The following TRAPPC6A variants were observed in gnomAD, a reference collection of about 807,000 sequenced individuals.
TRAPPC6A encodes trafficking protein particle complex subunit 6A, also known as TRAPP complex subunit 6A.
A neutral mutation model predicts 20.8 loss-of-function variants in TRAPPC6A; 25 were observed. That is an observed-to-expected ratio of 1.20 (90% CI 0.88 to 1.68). The LOEUF is 1.68. Ranked by LOEUF, TRAPPC6A falls within the 40% of genes most tolerant of loss-of-function variation. The pLI is 0.00. For synonymous variants in TRAPPC6A, 96 were observed against 93.3 expected (o/e 1.03, Z -0.16); for missense variants, 215 against 211.6 (o/e 1.02, Z -0.10).
intron 1 of TRAPPC6A, among the ~76,000 whole-genome samples, chr19:45,177,845 G>A (rs1249365058): frequency 6.6e-6 from 1 of 152,224 alleles, no homozygotes; most frequent in East Asian, 1.9e-4. Flanking sequence ...GTAAGTGGGG[G>A]AGGCGAGTCC....
chr19:45,162,996 ACC>A lies in TRAPPC6A; in HGVS notation c.*194_*195del. Reference sequence around the variant, plus strand: ...GTGACGCTGCCGAGGCGGGAATCCCACCACAGTCCTGACCGCAGCTGGGACCC... The same window carrying A: ...GTGACGCTGCCGAGGCGGGAATCCCAACAGTCCTGACCGCAGCTGGGACCC... On this transcript the variant is annotated 3_prime_UTR_variant, in exon 6 of 6. Transcript: ENST00000585934. The A allele has an allele frequency of 2.1e-6, 1 of 473,136 alleles. No homozygotes were observed. The highest frequency in any genetic ancestry group is 3.7e-6 in the Non-Finnish European group (1 of 273,452). The allele number at this position is 473,136 out of a possible 1,614,324, so 29.3% of individuals were successfully genotyped here.
At chr19:45,166,834 C>T (rs1969164519) in intron 1 of TRAPPC6A, among the ~76,000 whole-genome samples, 1 of 152,118 alleles carries the variant, frequency 6.6e-6, no homozygotes, top group African/African-American at 2.4e-5. Flanking sequence ...AGGGCTGCAC[C>T]ATCAGCGCAG....
rs73564239 is a variant in TRAPPC6A at position 45,167,076 on chromosome 19, A to C, written c.85-1882T>G. Among the ~76,000 whole-genome samples, 59 of 151,858 alleles carry C rather than the reference A, an allele frequency of 3.9e-4. 1 individual carries two copies. The highest frequency in any genetic ancestry group is 8.3e-4 in the South Asian group (4 of 4,812). On this transcript the variant is annotated intron_variant, in intron 1 of 5. Transcript: ENST00000585934. ...TTGCGTCCCCAGCCCTGCCCACTGC[A>C]CACTGTCCCTGGATGAGGACACAGC... is the stretch of plus-strand genomic sequence containing the variant.
chr19:45,163,374 G>A lies in TRAPPC6A; in HGVS notation c.449-151C>T, dbSNP rs1218721785. The A allele has an allele frequency of 1.2e-6, 1 of 803,626 alleles. No homozygotes were observed. Among genetic ancestry groups the A allele is most frequent in the Non-Finnish European group, 2.0e-6 (1 of 501,014 alleles). 49.8% of individuals were successfully genotyped at this position (803,626 alleles called of 1,614,324 possible). ...CCCGCCCACGGGGCCGCATCCCTGAGCTGTGTGAGTAACCAGGAGCATGAG... is the reference window on the plus strand; with the variant it reads ...CCCGCCCACGGGGCCGCATCCCTGAACTGTGTGAGTAACCAGGAGCATGAG... On this transcript the variant is annotated intron_variant, in intron 5 of 5. Transcript: ENST00000585934. The surrounding 1 kb of genome is among the most constrained non-coding windows in gnomAD (Gnocchi z 5.3).
Position 45,163,900 on chromosome 19 carries a change from AC to A in TRAPPC6A, c.448+15del, listed in dbSNP as rs756831877. 3.0e-6 allele frequency: 4 copies of A among 1,355,712 alleles called. No homozygotes were observed. The highest frequency in any genetic ancestry group is 1.2e-5 in the South Asian group (1 of 80,558). 84.0% of individuals were successfully genotyped at this position (1,355,712 alleles called of 1,614,324 possible). On this transcript the variant is annotated intron_variant, in intron 5 of 5. Coordinates refer to ENST00000585934, the MANE Select transcript of TRAPPC6A (RefSeq NM_001270891.2). The surrounding 1 kb of genome is among the most constrained non-coding windows in gnomAD (Gnocchi z 5.3). Reference sequence around the variant, plus strand: ...CTCAAGGGATGAGAAGAATCCCCCCACCCCCCATGACTCACAGACGGGCAGG... The same window carrying A: ...CTCAAGGGATGAGAAGAATCCCCCCACCCCCATGACTCACAGACGGGCAGG...
intron 3 of TRAPPC6A, 43 bp downstream of exon 3, chr19:45,164,810 G>T: frequency 6.4e-7 from 1 of 1,570,104 alleles, no homozygotes; most frequent in Non-Finnish European, 8.8e-7. Flanking sequence ...TCTTGGTCTT[G>T]CCCTCAGGAG....
intron 4 of TRAPPC6A, 77 bp from the exon 5 acceptor site, chr19:45,164,086 G>A: frequency 6.5e-7 from 1 of 1,546,792 alleles, no homozygotes. Context: ...CTTAGGCCTG[G>A]GGAAAGGCCT....
rs1057046009 is a variant in TRAPPC6A, at chr19:45,163,378, TGTGA to T, written c.449-159_449-156del. ...CCCACGGGGCCGCATCCCTGAGCTG[TGTGA>T]GTAACCAGGAGCATGAGGGCCACGG... On this transcript the variant is annotated intron_variant, in intron 5 of 5. Coordinates refer to ENST00000585934, the MANE Select transcript of TRAPPC6A (RefSeq NM_001270891.2). The surrounding 1 kb of genome is among the most constrained non-coding windows in gnomAD (Gnocchi z 5.3). Among the ~76,000 whole-genome samples the T allele has an allele frequency of 6.6e-6, 1 of 152,080 alleles. No homozygotes were observed. Among genetic ancestry groups the T allele is most frequent in the Admixed American group, 6.5e-5 (1 of 15,286 alleles).
intron 1 of TRAPPC6A, among the ~76,000 whole-genome samples, chr19:45,169,630 C>T (rs912482252): frequency 1.3e-5 from 2 of 152,218 alleles, no homozygotes; most frequent in Non-Finnish European, 2.9e-5. Flanking sequence ...AGGGATGAAG[C>T]CCTTGGCTGG....
chr19:45,178,082 A>G (rs1342078580), intron 1 of TRAPPC6A, 53 bp downstream of exon 1: 2 of 1,611,336 alleles, frequency 1.2e-6, no homozygotes, highest in Non-Finnish European at 1.7e-6. Context: ...CCGCTCTCCC[A>G]GAGGCGTTAC....
rs572711694 is a variant in TRAPPC6A at position 45,173,577 on chromosome 19, C to T, written c.84+4558G>A. Among the ~76,000 whole-genome samples, 1 of 152,312 alleles carries T rather than the reference C, an allele frequency of 6.6e-6. No homozygotes were observed. The highest frequency in any genetic ancestry group is 1.9e-4 in the East Asian group (1 of 5,176). ...AGCACAGGGTCCCTCCTCTGTGAAT[C>T]GGGAGGGCTGTCCTGAGGACTAAAT... On this transcript the variant is annotated intron_variant, in intron 1 of 5. Transcript: ENST00000585934. The surrounding 1 kb of genome is among the most constrained non-coding windows in gnomAD (Gnocchi z 4.8).
intron 1 of TRAPPC6A, among the ~76,000 whole-genome samples, chr19:45,174,435 T>C (rs116228148): frequency 0.012 from 1,848 of 152,154 alleles, 41 homozygotes; most frequent in African/African-American, 0.042. Context: ...GGACATCCAG[T>C]GGTCATCAAT....
In TRAPPC6A at chr19:45,172,726, G is replaced by C. The variant is rs991699232; in HGVS notation, c.84+5409C>G. On this transcript the variant is annotated intron_variant, in intron 1 of 5. Transcript: ENST00000585934. The surrounding 1 kb of genome is among the most constrained non-coding windows in gnomAD (Gnocchi z 4.2). ...TCCTGTCCCCTGGCCCAGCCCGGAAGGTTGAGCCCACCACAGCCTCTGCCT... is the reference window on the plus strand; with the variant it reads ...TCCTGTCCCCTGGCCCAGCCCGGAACGTTGAGCCCACCACAGCCTCTGCCT... 4.0e-5 allele frequency among the ~76,000 whole-genome samples: 6 copies of C among 151,772 alleles called. No homozygotes were observed. The highest frequency in any genetic ancestry group is 8.8e-5 in the Non-Finnish European group (6 of 68,034).
Position 45,163,195 on chromosome 19 carries a change from G to A in TRAPPC6A, c.477C>T (p.Ser159=). The change falls in exon 6 of 6, where the codon TCC becomes TCT. Residue 159 remains serine, a synonymous_variant. Transcript: ENST00000585934. This position sits in a 1 kb window ranked among gnomAD's most constrained non-coding sequence, Gnocchi z 5.3. ...GCTCAGCAGGTGCGAGGCAGGCTTAGGATTTCGGAATCACCACCTGGAACT... is the reference window on the plus strand; with the variant it reads ...GCTCAGCAGGTGCGAGGCAGGCTTAAGATTTCGGAATCACCACCTGGAACT... ...VCKFQVVIPK[S] 6.2e-7 allele frequency: 1 copy of A among 1,613,914 alleles called. No homozygotes were observed. The highest frequency in any genetic ancestry group is 8.5e-7 in the Non-Finnish European group (1 of 1,179,884).
rs375705027 is a variant in TRAPPC6A at position 45,170,713 on chromosome 19, A to T, written c.85-5519T>A. On this transcript the variant is annotated intron_variant, in intron 1 of 5. Coordinates refer to ENST00000585934, the MANE Select transcript of TRAPPC6A (RefSeq NM_001270891.2). ...CATGTGCCATGGGGCTAATGGCAGT[A>T]CCTGCTCACAGTGGTGGTGTGACTG... 5.9e-5 allele frequency among the ~76,000 whole-genome samples: 9 copies of T among 152,294 alleles called. No homozygotes were observed. The East Asian group carries it at 1.7e-3, about 29-fold the overall frequency.
rs1291029908 is a variant in TRAPPC6A, at chr19:45,165,913, A to G, written c.85-719T>C. Among the ~76,000 whole-genome samples, 3 of 144,420 alleles carry G rather than the reference A, an allele frequency of 2.1e-5. No homozygotes were observed. In the South Asian group the frequency reaches 6.6e-4, roughly 32 times the overall value. 94.7% of individuals were successfully genotyped at this position (144,420 alleles called of 152,430 possible). A position where few individuals can be genotyped will look rare whatever the true frequency, so the allele number is the denominator to read the frequency against. On this transcript the variant is annotated intron_variant, in intron 1 of 5. Coordinates refer to ENST00000585934, the MANE Select transcript of TRAPPC6A (RefSeq NM_001270891.2). Reference sequence around the variant, plus strand: ...GCTGGAGGAGAGGAGATGCTCATGGATTTTTTTTTTTTTAAGAGATGGAGT... The same window carrying G: ...GCTGGAGGAGAGGAGATGCTCATGGGTTTTTTTTTTTTTAAGAGATGGAGT...
Position 45,165,151 on chromosome 19 carries a change from C to G in TRAPPC6A, c.128G>C (p.Arg43Pro), listed in dbSNP as rs370020651. Residue 43 changes from arginine (R) to proline (P), a missense_variant, in exon 2 of 6, where the codon CGT becomes CCT. Coordinates refer to ENST00000585934, the MANE Select transcript of TRAPPC6A (RefSeq NM_001270891.2). ...SLSVLEGMGF[R>P]VGQALGERLP... ...CCTCTCGCCTAGAGCCTGGCCCACA[C>G]GGAACCCCATACCCTCCAGGACCGA... 2 of 1,610,824 alleles carry G rather than the reference C, an allele frequency of 1.2e-6. No individual in the cohort carries two copies. The highest frequency in any genetic ancestry group is 1.7e-6 in the Non-Finnish European group (2 of 1,178,698).
At position 45,172,367 on chromosome 19, in the gene TRAPPC6A, T is replaced by C. The variant is rs571816475; in HGVS notation, c.84+5768A>G. 1.3e-5 allele frequency among the ~76,000 whole-genome samples: 2 copies of C among 151,672 alleles called. 1 individual carries two copies. The highest frequency in any genetic ancestry group is 4.9e-5 in the African/African-American group (2 of 40,992). On this transcript the variant is annotated intron_variant, in intron 1 of 5. Transcript: ENST00000585934. The surrounding 1 kb of genome is among the most constrained non-coding windows in gnomAD (Gnocchi z 4.2). ...CTGGGAGGGAGGCGGGTGGGGGCCA[T>C]GTGCTCCACCCCTTCCTGTCTCTTG... is the stretch of plus-strand genomic sequence containing the variant.
At chr19:45,165,781 G>C (rs961115972) in intron 1 of TRAPPC6A, among the ~76,000 whole-genome samples, 1 of 152,196 alleles carries the variant, frequency 6.6e-6, no homozygotes, top group African/African-American at 2.4e-5. Context: ...GTGTCTGGAG[G>C]GTAGGCCAGG....
Sources: allele counts gnomAD v4.1 joint callset (sites outside exome capture counted in the v4.1 genomes callset), GRCh38; gene constraint gnomAD v4.1.1; non-coding constraint Gnocchi (gnomAD v3.1); transcripts MANE v1.5; gene names NCBI Gene and HGNC (gene_info 2026-07-23, HGNC 2026-07-21).